TMEM97: variants seen among roughly 807,000 people sequenced by gnomAD.
TMEM97 encodes transmembrane protein 97.
A neutral mutation model predicts 18.3 loss-of-function variants in TMEM97; 13 were observed. The observed-to-expected ratio is 0.71, with a 90% CI of 0.46 to 1.13. The LOEUF is 1.13. Ranked by LOEUF, TMEM97 falls within the 50% of genes most tolerant of loss-of-function variation. TMEM97 has a pLI of 0.00. For missense variants in TMEM97, 205 were observed against 210.5 expected, an observed-to-expected ratio of 0.97 and a Z score of 0.16; for synonymous variants, 76 against 85.3, an observed-to-expected ratio of 0.89 and a Z score of 0.60.
At position 28,326,943 on chromosome 17, in the gene TMEM97, G is replaced by T; in HGVS notation, c.*150G>T. 1 of 983,190 alleles carries T rather than the reference G, an allele frequency of 1.0e-6. No homozygotes were observed. The allele number at this position is 983,190 out of a possible 1,614,324, so 60.9% of individuals were successfully genotyped here. ...AGAGCAAGATGGTGTCAGGAACCATGTCAAACCCTCACCTTCTTCCATTTT... is the reference window on the plus strand; with the variant it reads ...AGAGCAAGATGGTGTCAGGAACCATTTCAAACCCTCACCTTCTTCCATTTT... On this transcript the variant is annotated 3_prime_UTR_variant, in exon 3 of 3. Coordinates refer to ENST00000226230, the MANE Select transcript of TMEM97 (RefSeq NM_014573.3).
intron 1 of TMEM97, among the ~76,000 whole-genome samples, chr17:28,323,937 G>A (rs1259984823): frequency 6.6e-6 from 1 of 152,212 alleles, no homozygotes; most frequent in Admixed American, 6.5e-5. Flanking sequence ...TGTTGAGGCT[G>A]CAGTGGGCCG....
At chr17:28,323,125 T>A (rs1906209667) in intron 1 of TMEM97, among the ~76,000 whole-genome samples, 1 of 152,046 alleles carries the variant, frequency 6.6e-6, no homozygotes, top group Non-Finnish European at 1.5e-5. Flanking sequence ...CTACCCCAGG[T>A]CCTACACGCC....
intron 1 of TMEM97, among the ~76,000 whole-genome samples, chr17:28,322,250 T>TC (rs1206527188): frequency 3.3e-5 from 5 of 151,906 alleles, no homozygotes; most frequent in Non-Finnish European, 7.4e-5. Flanking sequence ...TTTCTTTTTT[T>TC]TTTTTGATTT....
chr17:28,321,032 G>C (rs1375512593), intron 1 of TMEM97, among the ~76,000 whole-genome samples: 1 of 152,208 alleles, frequency 6.6e-6, no homozygotes, highest in East Asian at 1.9e-4. Context: ...ATTAGGATGT[G>C]GTTATCTTTG....
intron 2 of TMEM97, among the ~76,000 whole-genome samples, chr17:28,326,284 C>T (rs2142360850): frequency 6.6e-6 from 1 of 152,274 alleles, no homozygotes; most frequent in Non-Finnish European, 1.5e-5. Context: ...CCGGTAATGG[C>T]AGTTTTATTG....
intron 1 of TMEM97, among the ~76,000 whole-genome samples, chr17:28,323,513 C>G (rs1906226964): frequency 6.6e-6 from 1 of 151,826 alleles, no homozygotes; most frequent in South Asian, 2.1e-4. Flanking sequence ...TCACTGCAAC[C>G]TCAGCCTCCA....
intron 2 of TMEM97, 44 bp from the exon 3 acceptor site, chr17:28,326,490 C>A: frequency 6.3e-7 from 1 of 1,588,388 alleles, no homozygotes; most frequent in South Asian, 1.2e-5. Flanking sequence ...ACCTTTGAGT[C>A]ATGAACAGAC....
At chr17:28,320,215 C>T (rs1555574791) in intron 1 of TMEM97, among the ~76,000 whole-genome samples, 2 of 152,056 alleles carry the variant, frequency 1.3e-5, no homozygotes, top group East Asian at 1.9e-4. Context: ...TCTGTTTTTC[C>T]TTAAATGCTT....
At position 28,326,081 on chromosome 17, in the gene TMEM97, G is replaced by A. The variant is rs1307909713; in HGVS notation, c.271+434G>A. Among the ~76,000 whole-genome samples, 3 of 152,188 alleles carry A rather than the reference G, an allele frequency of 2.0e-5. No individual in the cohort carries two copies. The East Asian group carries it at 5.8e-4, about 29-fold the overall frequency. On this transcript the variant is annotated intron_variant, in intron 2 of 2. Transcript: ENST00000226230. ...TTCTTAGTGTTCTCATATAATCAATGCTTTTTTAAAAAGGTGACCATACAC... is the reference window on the plus strand; with the variant it reads ...TTCTTAGTGTTCTCATATAATCAATACTTTTTTAAAAAGGTGACCATACAC...
At chr17:28,323,741 C>T (rs1397567702) in intron 1 of TMEM97, among the ~76,000 whole-genome samples, 3 of 152,228 alleles carry the variant, frequency 2.0e-5, no homozygotes, top group Non-Finnish European at 4.4e-5. Context: ...GGTGCAGTGG[C>T]TCACACCTGT....
Position 28,328,326 on chromosome 17 carries a change from C to A in TMEM97, c.*1533C>A. ...GCAACAGGAAAAAAGGTACATCAAG[C>A]CATTTGAAAACAAAAATTTATTGCT... On this transcript the variant is annotated 3_prime_UTR_variant, in exon 3 of 3. Transcript: ENST00000226230. 1 of 250,916 alleles carries A rather than the reference C, an allele frequency of 4.0e-6. No individual in the cohort carries two copies. The highest frequency in any genetic ancestry group is 7.6e-6 in the Non-Finnish European group (1 of 131,850). The allele number at this position is 250,916 out of a possible 1,614,324, so 15.5% of individuals were successfully genotyped here.
In TMEM97 at chr17:28,327,144, T is replaced by TTG. The variant is rs142800471; in HGVS notation, c.*360_*361dup. 2 of 220,116 alleles carry TTG rather than the reference T, an allele frequency of 9.1e-6. No homozygotes were observed. Among genetic ancestry groups the TTG allele is most frequent in the South Asian group, 1.5e-4 (2 of 13,624 alleles). The allele number at this position is 220,116 out of a possible 1,614,324, so 13.6% of individuals were successfully genotyped here. ...GTATGGCTAATTTGTTTTGTTTTTT[T>TTG]TGTGTGTGTGGAGACAGGGTTTTGC... On this transcript the variant is annotated 3_prime_UTR_variant, in exon 3 of 3. Coordinates refer to ENST00000226230, the MANE Select transcript of TMEM97 (RefSeq NM_014573.3).
intron 1 of TMEM97, among the ~76,000 whole-genome samples, chr17:28,321,317 T>G (rs1216228137): frequency 6.6e-6 from 1 of 152,222 alleles, no homozygotes; most frequent in African/African-American, 2.4e-5. Flanking sequence ...GTTGTCTTCT[T>G]TATCCTTCCT....
intron 1 of TMEM97, among the ~76,000 whole-genome samples, chr17:28,319,861 G>A (rs1380257854): frequency 3.3e-5 from 5 of 152,198 alleles, no homozygotes; most frequent in African/African-American, 1.2e-4. Context: ...ACTGCTTCGA[G>A]ATCAGGTTCC....
intron 1 of TMEM97, among the ~76,000 whole-genome samples, chr17:28,322,975 T>A (rs942103587): frequency 2.6e-5 from 4 of 152,250 alleles, no homozygotes; most frequent in Non-Finnish European, 4.4e-5. Context: ...TTAATCATTA[T>A]GTGCTAGCCA....
intron 1 of TMEM97, among the ~76,000 whole-genome samples, chr17:28,322,388 G>T (rs782751585): frequency 3.5e-4 from 53 of 151,972 alleles, no homozygotes; most frequent in Non-Finnish European, 6.5e-4. Context: ...GGGATTACAG[G>T]TGCTTGCCAC....
intron 1 of TMEM97, among the ~76,000 whole-genome samples, chr17:28,322,926 A>G (rs1455633559): frequency 6.6e-6 from 1 of 152,262 alleles, no homozygotes; most frequent in Admixed American, 6.5e-5. Context: ...TAATGGGATT[A>G]AACTTGAATA....
At chr17:28,325,916 T>C in intron 2 of TMEM97, 1 of 475,736 alleles carries the variant, frequency 2.1e-6, no homozygotes, top group Non-Finnish European at 3.7e-6. Context: ...AACAATGAGC[T>C]TGTTCCCTTT....
Position 28,326,481 on chromosome 17 carries a change from C to T in TMEM97, c.272-53C>T, listed in dbSNP as rs1906342883. On this transcript the variant is annotated intron_variant, in intron 2 of 2. Coordinates refer to ENST00000226230, the MANE Select transcript of TMEM97 (RefSeq NM_014573.3). ...AGAGACAGTGGGAAGGTCATGGACA[C>T]CTTTGAGTCATGAACAGACCTAACC... 2.5e-6 allele frequency: 4 copies of T among 1,575,336 alleles called. No individual in the cohort carries two copies. In the South Asian group the frequency reaches 3.6e-5, roughly 14 times the overall value.
Sources: gnomAD v4.1 joint callset for allele counts (sites outside exome capture counted in the v4.1 genomes callset) on GRCh38, gnomAD v4.1.1 for gene constraint, MANE v1.5 for transcripts, NCBI Gene and HGNC (gene_info 2026-07-23, HGNC 2026-07-21) for gene names.